Variants in IL1RAPL1 observed in about 807,000 individuals in gnomAD.
The protein encoded by IL1RAPL1 is interleukin-1 receptor accessory protein-like 1.
In IL1RAPL1, 3 loss-of-function variants were observed where a neutral mutation model predicts 48.4. The ratio of observed to expected loss-of-function variants is 0.06; its 90% CI spans 0.03 to 0.16. The LOEUF is 0.16. Ranked by LOEUF, IL1RAPL1 falls within the 10% of genes least tolerant of loss-of-function variation. The pLI, the probability that IL1RAPL1 is intolerant of heterozygous loss-of-function variation, is 1.00. For synonymous variants in IL1RAPL1, 185 were observed against 187.7 expected, an observed-to-expected ratio of 0.99 and a Z score of 0.12; for missense variants, 349 against 530.6, an observed-to-expected ratio of 0.66 and a Z score of 3.36.
At chrX:29,483,621 A>G (rs1935063771) in intron 5 of IL1RAPL1, among the ~76,000 whole-genome samples, 1 of 111,478 alleles carries the variant, frequency 9.0e-6, no homozygotes, top group East Asian at 2.8e-4. Context: ...AATTATTCTT[A>G]TGATATATAA....
At position 29,956,111 on chromosome X, in the gene IL1RAPL1, CT is replaced by C. The variant is rs1284811434; in HGVS notation, c.*298del. 4 of 303,857 alleles carry C rather than the reference CT, an allele frequency of 1.3e-5. No individual in the cohort carries two copies. Among genetic ancestry groups the C allele is most frequent in the Non-Finnish European group, 1.7e-5 (3 of 174,971 alleles). 25.0% of individuals were successfully genotyped at this position (303,857 alleles called of 1,213,427 possible). On this transcript the variant is annotated 3_prime_UTR_variant, in exon 11 of 11. Transcript: ENST00000378993. Reference sequence around the variant, plus strand: ...GAGACTGATGTGTAGATAGAAAACCCTTTTTTTGCTTCATTAGTTTAGTTTT... The same window carrying C: ...GAGACTGATGTGTAGATAGAAAACCCTTTTTTGCTTCATTAGTTTAGTTTT...
chrX:28,711,251 G>A (rs1247172464), intron 1 of IL1RAPL1, among the ~76,000 whole-genome samples: 1 of 111,545 alleles, frequency 9.0e-6, no homozygotes, highest in Non-Finnish European at 1.9e-5. Flanking sequence ...TATTGAATGG[G>A]GAAAAAGGTT....
At chrX:29,790,311 A>T (rs1929601339) in intron 6 of IL1RAPL1, among the ~76,000 whole-genome samples, 1 of 111,290 alleles carries the variant, frequency 9.0e-6, no homozygotes, top group African/African-American at 3.3e-5. Context: ...TTTCTGTTTA[A>T]TTCCCCTTAT....
At chrX:29,210,882 C>CT (rs1168231978) in intron 2 of IL1RAPL1, among the ~76,000 whole-genome samples, 3 of 111,990 alleles carry the variant, frequency 2.7e-5, no homozygotes, top group African/African-American at 9.7e-5. Flanking sequence ...ATATGAATAC[C>CT]AGATATTTAC....
At chrX:29,647,369 C>T (rs1472446275) in intron 5 of IL1RAPL1, among the ~76,000 whole-genome samples, 1 of 106,495 alleles carries the variant, frequency 9.4e-6, no homozygotes, top group Non-Finnish European at 1.9e-5. Context: ...AAAAAAAATA[C>T]TCTAATACGG....
chrX:28,758,785 A>G (rs1936132941), intron 1 of IL1RAPL1, among the ~76,000 whole-genome samples: 1 of 112,098 alleles, frequency 8.9e-6, no homozygotes, highest in Non-Finnish European at 1.9e-5. Flanking sequence ...GAAAATTCCC[A>G]TGATAGCTTC....
chrX:28,786,401 G>C (rs1936474823), intron 1 of IL1RAPL1, among the ~76,000 whole-genome samples: 1 of 110,730 alleles, frequency 9.0e-6, no homozygotes, highest in Non-Finnish European at 1.9e-5. Context: ...GGAGGCAGCG[G>C]TTGCAGTGAG....
intron 1 of IL1RAPL1, among the ~76,000 whole-genome samples, chrX:28,724,919 A>T (rs1204030711): frequency 9.3e-6 from 1 of 107,381 alleles, no homozygotes; most frequent in African/African-American, 3.4e-5. Context: ...TAAATGGAAC[A>T]TGACTTGACG....
In IL1RAPL1 at chrX:29,292,514, A is replaced by G. The variant is rs181032452; in HGVS notation, c.362+9297A>G. Among the ~76,000 whole-genome samples, 162 of 112,342 alleles carry G rather than the reference A, an allele frequency of 1.4e-3. 1 individual carries two copies. The highest frequency in any genetic ancestry group is 2.6e-3 in the Non-Finnish European group (136 of 53,206). On this transcript the variant is annotated intron_variant, in intron 3 of 10. Coordinates refer to ENST00000378993, the MANE Select transcript of IL1RAPL1 (RefSeq NM_014271.4). The stretch of plus-strand genomic sequence containing the variant: ...ATACTTTTAATATTTATGAATTTTT[A>G]TGTAAGTTATTTAAAAAATCAAGTC...
At chrX:29,467,748 T>G (rs1934879476) in intron 5 of IL1RAPL1, among the ~76,000 whole-genome samples, 1 of 112,729 alleles carries the variant, frequency 8.9e-6, no homozygotes, top group African/African-American at 3.2e-5. Context: ...TCTGATGCCT[T>G]TATTCCCTTT....
intron 5 of IL1RAPL1, among the ~76,000 whole-genome samples, chrX:29,646,989 TAGTGAGTAACACA>T (rs1298990987): frequency 8.9e-6 from 1 of 112,198 alleles, no homozygotes; most frequent in African/African-American, 3.2e-5. Context: ...AAAAGAATGC[TAGTGAGTAACACA>T]AAAACATTTG....
At chrX:29,550,468 T>C (rs376994250) in intron 5 of IL1RAPL1, among the ~76,000 whole-genome samples, 3 of 112,126 alleles carry the variant, frequency 2.7e-5, no homozygotes, top group Non-Finnish European at 5.6e-5. Context: ...CGTGAGCCAC[T>C]GCGCCCGGCC....
At chrX:29,638,399 T>C (rs965592840) in intron 5 of IL1RAPL1, among the ~76,000 whole-genome samples, 2 of 109,951 alleles carry the variant, frequency 1.8e-5, no homozygotes, top group Admixed American at 9.7e-5. Flanking sequence ...GCAATTAACA[T>C]TTAGTAAACA....
intron 2 of IL1RAPL1, among the ~76,000 whole-genome samples, chrX:28,924,551 C>T (rs144106866): frequency 6.3e-5 from 7 of 111,419 alleles, no homozygotes; most frequent in South Asian, 3.8e-4. Context: ...CTCAGAAGTA[C>T]CCGGAGGATC....
At chrX:29,814,236 T>C (rs1018826969) in intron 6 of IL1RAPL1, among the ~76,000 whole-genome samples, 4 of 111,695 alleles carry the variant, frequency 3.6e-5, no homozygotes, top group African/African-American at 9.7e-5. Flanking sequence ...CTTGTCTCTG[T>C]AGCCTTACCT....
At chrX:28,630,060 G>C (rs901687127) in intron 1 of IL1RAPL1, among the ~76,000 whole-genome samples, 2 of 111,526 alleles carry the variant, frequency 1.8e-5, no homozygotes. Context: ...TACCAAGGAA[G>C]TTTAAAAGAA....
chrX:28,753,640 A>G lies in IL1RAPL1; in HGVS notation c.-24-35680A>G. Among the ~76,000 whole-genome samples, 3 of 112,427 alleles carry G rather than the reference A, an allele frequency of 2.7e-5. 1 individual carries two copies. In the Middle Eastern group the frequency reaches 0.014, roughly 513 times the overall value. On this transcript the variant is annotated intron_variant, in intron 1 of 10. Coordinates refer to ENST00000378993, the MANE Select transcript of IL1RAPL1 (RefSeq NM_014271.4). Reference sequence around the variant, plus strand: ...GTCATACCAATGATCTTTGCTTTCTAGTAGCTTCCATATCTTAATAACATT... The same window carrying G: ...GTCATACCAATGATCTTTGCTTTCTGGTAGCTTCCATATCTTAATAACATT...
chrX:28,768,761 A>C (rs1021788256), intron 1 of IL1RAPL1, among the ~76,000 whole-genome samples: 776 of 73,505 alleles, frequency 0.011, 5 homozygotes, highest in Non-Finnish European at 0.012. Flanking sequence ...CTCTCTATAT[A>C]TATATATATA....
chrX:28,707,688 G>A (rs368602938), intron 1 of IL1RAPL1, among the ~76,000 whole-genome samples: 4 of 111,913 alleles, frequency 3.6e-5, no homozygotes, highest in African/African-American at 9.8e-5. Context: ...AGCTTGACCC[G>A]AATGATGTTA....
Sources: gnomAD v4.1 joint callset for allele counts (sites outside exome capture counted in the v4.1 genomes callset) on GRCh38, gnomAD v4.1.1 for gene constraint, MANE v1.5 for transcripts, NCBI Gene and HGNC (gene_info 2026-07-23, HGNC 2026-07-21) for gene names.